RERE: variants seen among roughly 807,000 people sequenced by gnomAD.
RERE encodes the protein arginine-glutamic acid dipeptide repeats protein.
In RERE, 40 loss-of-function variants were observed where a neutral mutation model predicts 146.1. The observed-to-expected ratio is 0.27, with a 90% confidence interval of 0.21 to 0.36. The LOEUF (loss-of-function observed/expected upper bound fraction) is 0.36. Among genes scored for constraint, RERE ranks in the 10% least tolerant of loss-of-function variants. The pLI is 1.00. For missense variants in RERE, 1,933 were observed against 2,138.7 expected, an observed-to-expected ratio of 0.90 and a Z score of 1.90; for synonymous variants, 1,003 against 866.0, an observed-to-expected ratio of 1.16 and a Z score of -2.78.
intron 1 of RERE, among the ~76,000 whole-genome samples, chr1:8,797,987 A>G (rs1445841185): frequency 6.6e-6 from 1 of 152,224 alleles, no homozygotes; most frequent in African/African-American, 2.4e-5. Context: ...GGCCAGGCGC[A>G]GTGGCTCATT....
intron 1 of RERE, chr1:8,805,725 G>C (rs1356597683): frequency 6.6e-6 from 1 of 151,756 alleles, no homozygotes; most frequent in Non-Finnish European, 1.5e-5. Context: ...TACTCAGAAG[G>C]CTGAGGCAGG....
rs762897016 is a variant in RERE at position 8,358,723 on chromosome 1, T to C, written c.3812A>G (p.Asn1271Ser). Residue 1271 changes from asparagine (N) to serine (S), a missense_variant, in exon 20 of 23, where the codon AAC (asparagine) becomes AGC (serine). Asn to Ser is a conservative substitution (Grantham distance 46). Around this residue, in one of 11 missense-constraint regions of RERE, gnomAD observed 1,255 missense variants for 1,153.8 expected, o/e 1.09. Coordinates refer to ENST00000400908, the MANE Select transcript of RERE (RefSeq NM_001042681.2). The part of the protein sequence containing the change: ...RPHVMSPTNR[N>S]HPFYMPLNPT... ...GTTAAGGGGCATGTAGAAGGGGTGG[T>C]TGCGGTTGGTGGGCGACATGACGTG... 10 of 1,604,502 alleles carry C rather than the reference T, an allele frequency of 6.2e-6. 1 individual carries two copies. The highest frequency in any genetic ancestry group is 1.7e-4 in the Middle Eastern group (1 of 6,006).
chr1:8,491,992 C>G (rs1410992353), intron 10 of RERE, among the ~76,000 whole-genome samples: 1 of 152,212 alleles, frequency 6.6e-6, no homozygotes, highest in Non-Finnish European at 1.5e-5. Flanking sequence ...AGTAACTTCT[C>G]TCACAGGATA....
At chr1:8,776,586 G>A (rs375673935) in intron 1 of RERE, among the ~76,000 whole-genome samples, 39 of 152,056 alleles carry the variant, frequency 2.6e-4, no homozygotes, top group African/African-American at 8.4e-4. Context: ...TATGAGCCAC[G>A]GCACCTAGCC....
chr1:8,733,167 TA>T (rs1386398203), intron 1 of RERE, among the ~76,000 whole-genome samples: 1 of 151,160 alleles, frequency 6.6e-6, no homozygotes. Flanking sequence ...AAAGTTTATT[TA>T]AAAAAAAAGA....
At chr1:8,586,424 G>A (rs572487808) in intron 4 of RERE, among the ~76,000 whole-genome samples, 5 of 152,196 alleles carry the variant, frequency 3.3e-5, no homozygotes, top group African/African-American at 1.2e-4. Context: ...AATTCATTAA[G>A]CTATACATAT....
At chr1:8,510,296 C>A (rs1645317479) in intron 7 of RERE, among the ~76,000 whole-genome samples, 1 of 151,790 alleles carries the variant, frequency 6.6e-6, no homozygotes, top group African/African-American at 2.4e-5. Context: ...AGAGAAGACA[C>A]AGAAGGAGAT....
chr1:8,401,946 A>C (rs1226432585), intron 12 of RERE, among the ~76,000 whole-genome samples: 1 of 151,792 alleles, frequency 6.6e-6, no homozygotes, highest in African/African-American at 2.4e-5. Flanking sequence ...GCTCACTGCA[A>C]CCTCCACCTC....
intron 15 of RERE, 191 bp downstream of exon 15, chr1:8,363,865 C>A (rs1457108529): frequency 1.6e-6 from 1 of 608,266 alleles, no homozygotes; most frequent in Non-Finnish European, 2.9e-6. Flanking sequence ...CACCCTGGGG[C>A]CCCTCGAAGG....
At chr1:8,397,070 A>G (rs1643080594) in intron 12 of RERE, among the ~76,000 whole-genome samples, 1 of 152,172 alleles carries the variant, frequency 6.6e-6, no homozygotes, top group Non-Finnish European at 1.5e-5. Flanking sequence ...ATTCTAATGG[A>G]ATGTTTACTA....
chr1:8,371,239 G>C (rs550102410), intron 12 of RERE, among the ~76,000 whole-genome samples: 2 of 152,058 alleles, frequency 1.3e-5, no homozygotes, highest in African/African-American at 4.8e-5. Context: ...GCGGTGGGGG[G>C]GCTAAATTTT....
At chr1:8,701,067 T>C (rs971424090) in intron 1 of RERE, among the ~76,000 whole-genome samples, 2 of 152,124 alleles carry the variant, frequency 1.3e-5, no homozygotes, top group African/African-American at 4.8e-5. Flanking sequence ...CAGTGTAAGA[T>C]AAAACTACCC....
At chr1:8,528,459 G>GT (rs1296013932) in intron 7 of RERE, among the ~76,000 whole-genome samples, 1 of 152,138 alleles carries the variant, frequency 6.6e-6, no homozygotes, top group Non-Finnish European at 1.5e-5. Context: ...CCATAGTTAT[G>GT]TAAGATAATT....
chr1:8,692,402 C>A (rs1639226410), intron 1 of RERE, among the ~76,000 whole-genome samples: 1 of 150,760 alleles, frequency 6.6e-6, no homozygotes, highest in African/African-American at 2.4e-5. Context: ...GGCTGGAGTG[C>A]AGTGGTGTGA....
rs1280400357 is a variant in RERE at position 8,501,700 on chromosome 1, C to T, written c.880-4171G>A. On this transcript the variant is annotated intron_variant, in intron 8 of 22. Coordinates refer to ENST00000400908, the MANE Select transcript of RERE (RefSeq NM_001042681.2). ...CCCCCGCCCGGCCAGCCGCCCAGTC[C>T]GGGAGGGAGGTGGGGGGTCAGCCCC... is the stretch of plus-strand genomic sequence containing the variant. 6.3e-5 allele frequency among the ~76,000 whole-genome samples: 8 copies of T among 126,006 alleles called. No individual in the cohort carries two copies. In the South Asian group the frequency reaches 7.7e-4, roughly 12 times the overall value. 82.7% of individuals were successfully genotyped at this position (126,006 alleles called of 152,430 possible).
At chr1:8,675,495 CA>C (rs56912804) in intron 1 of RERE, among the ~76,000 whole-genome samples, 49,355 of 89,882 alleles carry the variant, frequency 0.55, 11,236 homozygotes, top group East Asian at 0.69. Context: ...CCCATCTCTA[CA>C]AAAAAAAAAA....
At chr1:8,355,309 C>A in intron 22 of RERE, 110 bp downstream of exon 22, 1 of 1,289,394 alleles carries the variant, frequency 7.8e-7, no homozygotes, top group South Asian at 1.3e-5. Flanking sequence ...CACAATGTCC[C>A]CTCCAGGGCC....
At chr1:8,538,142 T>C (rs1266983891) in intron 7 of RERE, among the ~76,000 whole-genome samples, 1 of 152,196 alleles carries the variant, frequency 6.6e-6, no homozygotes, top group Non-Finnish European at 1.5e-5. Context: ...AAATTTCCAG[T>C]GGACTTTCCT....
At chr1:8,653,732 G>T (rs952482627) in intron 2 of RERE, among the ~76,000 whole-genome samples, 12 of 144,350 alleles carry the variant, frequency 8.3e-5, no homozygotes, top group Non-Finnish European at 1.5e-4. Context: ...AACATGTTTT[G>T]TTCCTTTCCC....
Sources: gnomAD v4.1 joint callset for allele counts (sites outside exome capture counted in the v4.1 genomes callset) on GRCh38, gnomAD v4.1.1 for gene constraint, gnomAD v4.1.1 regional missense constraint, MANE v1.5 for transcripts, NCBI Gene and HGNC (gene_info 2026-07-23, HGNC 2026-07-21) for gene names.